Variants in VCP observed in about 807,000 individuals in gnomAD.
VCP encodes transitional endoplasmic reticulum ATPase.
Under a neutral mutation model 85.7 loss-of-function variants are expected in VCP, and 6 were observed. The observed-to-expected ratio is 0.07, with a 90% CI of 0.04 to 0.14. The LOEUF is 0.14. Among genes scored for constraint, VCP ranks in the 10% least tolerant of loss-of-function variants. VCP has a pLI of 1.00. For missense variants in VCP, 353 were observed against 1,043.4 expected (o/e 0.34, Z 9.12); for synonymous variants, 384 against 367.1 (o/e 1.05, Z -0.53).
chr9:35,062,425 C>G, intron 7 of VCP, 75 bp from the exon 8 acceptor site: 1 of 1,608,452 alleles, frequency 6.2e-7, no homozygotes, highest in Non-Finnish European at 8.5e-7. Flanking sequence ...AGTTATCTTG[C>G]TTGTTTGGCC....
chr9:35,058,938 C>T, intron 15 of VCP, 126 bp downstream of exon 15: 1 of 1,282,788 alleles, frequency 7.8e-7, no homozygotes, highest in East Asian at 2.3e-5. Context: ...ATCTTTGATG[C>T]CCTATTAAAA....
At chr9:35,069,231 T>C (rs988580489) in intron 1 of VCP, among the ~76,000 whole-genome samples, 3 of 152,142 alleles carry the variant, frequency 2.0e-5, no homozygotes, top group Non-Finnish European at 4.4e-5. Context: ...TCTGCAAAAG[T>C]ACACAATTCC....
chr9:35,069,000 C>T (rs1459846864), intron 1 of VCP, among the ~76,000 whole-genome samples: 1 of 152,116 alleles, frequency 6.6e-6, no homozygotes, highest in Non-Finnish European at 1.5e-5. Flanking sequence ...GACAACCTCC[C>T]TTGAGGCTCA....
chr9:35,064,070 G>A, intron 6 of VCP, 84 bp downstream of exon 6: 1 of 1,603,704 alleles, frequency 6.2e-7, no homozygotes, highest in Non-Finnish European at 8.5e-7. Context: ...AGCCATGCAT[G>A]AAAACAGTCC....
At chr9:35,060,759 A>G in intron 12 of VCP, 42 bp downstream of exon 12, 1 of 1,614,024 alleles carries the variant, frequency 6.2e-7, no homozygotes. Flanking sequence ...ATCAATTACA[A>G]TGTACTGAGA....
chr9:35,067,086 C>A (rs1828848703), intron 3 of VCP, among the ~76,000 whole-genome samples: 1 of 152,100 alleles, frequency 6.6e-6, no homozygotes, highest in Admixed American at 6.5e-5. Flanking sequence ...AAGGATGATC[C>A]CCTTCTAGCT....
chr9:35,058,272 A>T (rs1287829993), intron 15 of VCP, among the ~76,000 whole-genome samples: 1 of 152,218 alleles, frequency 6.6e-6, no homozygotes, highest in Non-Finnish European at 1.5e-5. Context: ...AAAGAAAGCC[A>T]TTTATTTGCT....
At chr9:35,066,125 CA>C (rs113734714) in intron 4 of VCP, among the ~76,000 whole-genome samples, 20 of 142,174 alleles carry the variant, frequency 1.4e-4, no homozygotes, top group East Asian at 4.1e-4. Context: ...CACTCTGTCT[CA>C]AAAAAAAAAG....
At chr9:35,071,485 G>A (rs902799556) in intron 1 of VCP, among the ~76,000 whole-genome samples, 16 of 151,958 alleles carry the variant, frequency 1.1e-4, no homozygotes, top group African/African-American at 3.4e-4. Flanking sequence ...TGTTTTTGAA[G>A]AGTTAGTGCA....
intron 11 of VCP, 45 bp from the exon 12 acceptor site, chr9:35,060,968 G>A (rs760756770): frequency 6.2e-7 from 1 of 1,614,162 alleles, no homozygotes; most frequent in Admixed American, 1.7e-5. Flanking sequence ...TCAAGGGAGG[G>A]GTCAAAGCAC....
chr9:35,070,888 T>G (rs1159189287), intron 1 of VCP, among the ~76,000 whole-genome samples: 1 of 152,210 alleles, frequency 6.6e-6, no homozygotes, highest in Non-Finnish European at 1.5e-5. Flanking sequence ...GATGTGGTAA[T>G]CTCTAAAAGA....
At position 35,068,072 on chromosome 9, in the gene VCP, A is replaced by G. The variant is rs1828868223; in HGVS notation, c.130-9T>C. The G allele has an allele frequency of 6.2e-7, 1 of 1,614,210 alleles. No individual in the cohort carries two copies. Among genetic ancestry groups the G allele is most frequent in the Non-Finnish European group, 8.5e-7 (1 of 1,180,052 alleles). On this transcript the variant is annotated splice_polypyrimidine_tract_variant and intron_variant, in intron 2 of 16. Transcript: ENST00000358901. ...AATTCATCCATCTTGGGCTGAGGAAAGAAAGTTAAGGCCTTTGGGTCATTG... is the reference window on the plus strand; with the variant it reads ...AATTCATCCATCTTGGGCTGAGGAAGGAAAGTTAAGGCCTTTGGGTCATTG...
At chr9:35,060,746 C>A (rs1029954285) in intron 12 of VCP, 55 bp downstream of exon 12, 16 of 1,613,802 alleles carry the variant, frequency 9.9e-6, no homozygotes, top group African/African-American at 1.3e-5. Context: ...TGAGATCACC[C>A]AGATCAATTA....
rs760755090 is a variant in VCP at position 35,066,727 on chromosome 9, G to A, written c.393C>T (p.Phe131=). 1.4e-5 allele frequency: 23 copies of A among 1,613,988 alleles called. No homozygotes were observed. The highest frequency in any genetic ancestry group is 3.3e-5 in the South Asian group (3 of 91,082). ...GGAAGTACGGCTTAAGGTATACCTC[G>A]AAGAGATTACCAGTAATGCCTTCCA... ...DTVEGITGNL[F]EVYLKPYFLE... The change falls in exon 4 of 17, where the codon TTC becomes TTT. Residue 131 remains phenylalanine (F), a synonymous_variant. Transcript: ENST00000358901.
chr9:35,072,186 C>CA, intron 1 of VCP, 151 bp downstream of exon 1: 2 of 1,421,916 alleles, frequency 1.4e-6, no homozygotes, highest in Non-Finnish European at 1.9e-6. Flanking sequence ...CTGCCGGGTC[C>CA]ACGGCCCCTC....
intron 4 of VCP, 34 bp downstream of exon 4, chr9:35,066,641 G>A (rs757552913): frequency 3.7e-6 from 6 of 1,612,448 alleles, no homozygotes; most frequent in Non-Finnish European, 5.1e-6. Context: ...ATTCCCTACA[G>A]TCAATAATCC....
At chr9:35,057,729 T>C (rs909525559) in intron 15 of VCP, 199 bp from the exon 16 acceptor site, 3 of 681,426 alleles carry the variant, frequency 4.4e-6, no homozygotes, top group Non-Finnish European at 7.7e-6. Context: ...GGGAAAACTG[T>C]AGGGACAGAA....
rs1828601135 is a variant in VCP at position 35,056,200 on chromosome 9, T to A, written c.*917A>T. 1.3e-5 allele frequency: 2 copies of A among 152,214 alleles called. No individual in the cohort carries two copies. 9.4% of individuals were successfully genotyped at this position (152,214 alleles called of 1,614,324 possible). A position where few individuals can be genotyped will look rare whatever the true frequency, so the allele number is the denominator to read the frequency against. Reference sequence around the variant, plus strand: ...AAAGAGAGTATAGAGAATATCCACCTGCAAGTAAGATTGTATTCTTTTGCA... The same window carrying A: ...AAAGAGAGTATAGAGAATATCCACCAGCAAGTAAGATTGTATTCTTTTGCA... On this transcript the variant is annotated 3_prime_UTR_variant, in exon 17 of 17. Transcript: ENST00000358901.
intron 15 of VCP, among the ~76,000 whole-genome samples, chr9:35,058,367 TAC>T (rs1828651515): frequency 2.0e-5 from 3 of 152,220 alleles, no homozygotes; most frequent in Non-Finnish European, 2.9e-5. Flanking sequence ...ACAGAGATCT[TAC>T]CTTTATGGAA....
Sources: allele counts gnomAD v4.1 joint callset (sites outside exome capture counted in the v4.1 genomes callset), GRCh38; gene constraint gnomAD v4.1.1; transcripts MANE v1.5; gene names NCBI Gene and HGNC (gene_info 2026-07-23, HGNC 2026-07-21).